Variants in ASTN2 observed in about 807,000 individuals in gnomAD.
ASTN2 encodes the protein astrotactin-2.
ASTN2 carries 54 observed loss-of-function variants against 139.8 expected under a neutral mutation model. The ratio of observed to expected loss-of-function variants is 0.39; its 90% CI spans 0.31 to 0.48. ASTN2 has a LOEUF of 0.48. ASTN2 is among the 20% of genes least tolerant of loss of function. ASTN2 has a pLI of 0.95. For synonymous variants in ASTN2, 756 were observed against 719.5 expected, an observed-to-expected ratio of 1.05 and a Z score of -0.81; for missense variants, 1,565 against 1,725.1, an observed-to-expected ratio of 0.91 and a Z score of 1.64.
intron 10 of ASTN2, among the ~76,000 whole-genome samples, chr9:116,919,954 A>G (rs1225331772): frequency 2.6e-5 from 4 of 152,006 alleles, no homozygotes; most frequent in Non-Finnish European, 5.9e-5. Flanking sequence ...AAAAAAAAAA[A>G]AAGTAATTTT....
At chr9:117,327,564 T>G (rs1307361844) in intron 1 of ASTN2, among the ~76,000 whole-genome samples, 2 of 151,960 alleles carry the variant, frequency 1.3e-5, no homozygotes, top group East Asian at 3.9e-4. Flanking sequence ...GTGCATATGT[T>G]AAGTAAAAAA....
At chr9:116,831,020 G>A (rs1831798342) in intron 11 of ASTN2, among the ~76,000 whole-genome samples, 1 of 148,426 alleles carries the variant, frequency 6.7e-6, no homozygotes, top group African/African-American at 2.5e-5. Context: ...GCATAAAAAA[G>A]AATGAAATCA....
rs1289954587 is a variant in ASTN2 at position 116,699,945 on chromosome 9, C to A, written c.2806+25826G>T. On this transcript the variant is annotated intron_variant, in intron 16 of 22. Coordinates refer to ENST00000313400, the MANE Select transcript of ASTN2 (RefSeq NM_001365068.1). The surrounding 1 kb of genome is among the most constrained non-coding windows in gnomAD (Gnocchi z 4.2). ...CAAATAGGACACACGATGGTGTTAGCTGAAGTTTGATTAGCAATTAGGCAC... is the reference window on the plus strand; with the variant it reads ...CAAATAGGACACACGATGGTGTTAGATGAAGTTTGATTAGCAATTAGGCAC... 1.6e-6 allele frequency: 1 copy of A among 611,504 alleles called. No homozygotes were observed. The highest frequency in any genetic ancestry group is 1.9e-5 in the African/African-American group (1 of 53,850). The allele number at this position is 611,504 out of a possible 1,614,324, so 37.9% of individuals were successfully genotyped here.
intron 22 of ASTN2, among the ~76,000 whole-genome samples, chr9:116,432,558 C>T (rs1411707829): frequency 6.6e-6 from 1 of 152,178 alleles, no homozygotes; most frequent in Non-Finnish European, 1.5e-5. Context: ...ATAACAGGTG[C>T]TCAACTAATA....
intron 4 of ASTN2, among the ~76,000 whole-genome samples, chr9:117,127,931 C>T (rs1255447992): frequency 2.0e-5 from 3 of 151,970 alleles, no homozygotes; most frequent in Non-Finnish European, 4.4e-5. Flanking sequence ...CCACCCGCCT[C>T]GGCCTCCCAA....
chr9:116,749,153 A>T (rs1829332138), intron 13 of ASTN2, among the ~76,000 whole-genome samples: 1 of 152,146 alleles, frequency 6.6e-6, no homozygotes, highest in Non-Finnish European at 1.5e-5. Flanking sequence ...GTAAAGATGA[A>T]AAGAGCCCAT....
At chr9:117,217,969 T>A (rs948898227) in intron 2 of ASTN2, among the ~76,000 whole-genome samples, 2 of 152,220 alleles carry the variant, frequency 1.3e-5, no homozygotes, top group African/African-American at 4.8e-5. Context: ...AGTTGGAAAC[T>A]CAGGCATAGA....
chr9:117,186,558 TAAATA>T (rs1554788360), intron 3 of ASTN2, among the ~76,000 whole-genome samples: 1 of 150,926 alleles, frequency 6.6e-6, no homozygotes, highest in African/African-American at 2.4e-5. Context: ...AAAAAATAAA[TAAATA>T]AAATAAAATA....
At chr9:117,300,723 A>G (rs549459339) in intron 1 of ASTN2, among the ~76,000 whole-genome samples, 2 of 152,294 alleles carry the variant, frequency 1.3e-5, no homozygotes, top group South Asian at 2.1e-4. Context: ...TTGGGAGGTC[A>G]CCCGTGGGGA....
In ASTN2 at chr9:117,298,734, A is replaced by ATG. The variant is rs1564133358; in HGVS notation, c.443-7222_443-7221insCA. Among the ~76,000 whole-genome samples the ATG allele has an allele frequency of 5.9e-4, 75 of 127,672 alleles. 3 individuals are homozygous for ATG. In the South Asian group the frequency reaches 0.016, roughly 28 times the overall value. The allele number at this position is 127,672 out of a possible 152,430, so 83.8% of individuals were successfully genotyped here. On this transcript the variant is annotated intron_variant, in intron 1 of 22. Coordinates refer to ENST00000313400, the MANE Select transcript of ASTN2 (RefSeq NM_001365068.1). ...TGTGTGTGTGTGTGTGTGTGTGTGT[A>ATG]TATATATATATCTTAAAATAGTCTA... is the stretch of plus-strand genomic sequence containing the variant.
At chr9:117,279,716 T>G (rs1342863970) in intron 2 of ASTN2, among the ~76,000 whole-genome samples, 3 of 152,196 alleles carry the variant, frequency 2.0e-5, no homozygotes, top group African/African-American at 7.2e-5. Context: ...AATGTCAACA[T>G]TTTTCATAAC....
At chr9:116,431,257 G>A (rs1448777150) in intron 22 of ASTN2, among the ~76,000 whole-genome samples, 1 of 152,114 alleles carries the variant, frequency 6.6e-6, no homozygotes, top group East Asian at 1.9e-4. Flanking sequence ...AATAAGACAG[G>A]CAGGAAGAAA....
chr9:116,443,694 A>G (rs1847904467), intron 20 of ASTN2, among the ~76,000 whole-genome samples: 1 of 152,198 alleles, frequency 6.6e-6, no homozygotes, highest in Admixed American at 6.5e-5. Flanking sequence ...TGTGAGCCTT[A>G]GAGGCCAAGA....
At chr9:116,813,031 A>AT (rs1831209886) in intron 12 of ASTN2, among the ~76,000 whole-genome samples, 1 of 151,982 alleles carries the variant, frequency 6.6e-6, no homozygotes, top group African/African-American at 2.4e-5. Flanking sequence ...TTTAAATTTT[A>AT]TTTTTGTACT....
chr9:116,837,447 C>T (rs1832037541), intron 11 of ASTN2, among the ~76,000 whole-genome samples: 1 of 152,102 alleles, frequency 6.6e-6, no homozygotes, highest in African/African-American at 2.4e-5. Flanking sequence ...TGGAGGATTC[C>T]CATAGGTTCC....
intron 6 of ASTN2, among the ~76,000 whole-genome samples, chr9:117,015,157 C>A (rs749488637): frequency 6.6e-6 from 1 of 151,990 alleles, no homozygotes; most frequent in Non-Finnish European, 1.5e-5. Context: ...ACTACAGAGA[C>A]ACTACAGGAC....
chr9:116,912,669 C>A (rs531796940), intron 10 of ASTN2, among the ~76,000 whole-genome samples: 1 of 152,104 alleles, frequency 6.6e-6, no homozygotes, highest in East Asian at 1.9e-4. Flanking sequence ...ATTTTCTTTT[C>A]TGCATCTAAT....
At chr9:117,397,765 A>G (rs1302915578) in intron 1 of ASTN2, among the ~76,000 whole-genome samples, 1 of 152,216 alleles carries the variant, frequency 6.6e-6, no homozygotes, top group African/African-American at 2.4e-5. Context: ...AAAAACAAGG[A>G]TTTCTAGGGC....
chr9:117,301,508 C>A (rs75613519), intron 1 of ASTN2, among the ~76,000 whole-genome samples: 3,612 of 152,266 alleles, frequency 0.024, 82 homozygotes, highest in Middle Eastern at 0.048. Context: ...ATGTCTGAGG[C>A]CCTAAAAGGG....
Sources: gnomAD v4.1 joint callset for allele counts (sites outside exome capture counted in the v4.1 genomes callset) on GRCh38, gnomAD v4.1.1 for gene constraint, Gnocchi (gnomAD v3.1) non-coding constraint, MANE v1.5 for transcripts, NCBI Gene and HGNC (gene_info 2026-07-23, HGNC 2026-07-21) for gene names.